SLC37A1: variants seen among roughly 807,000 people sequenced by gnomAD.
SLC37A1 encodes solute carrier family 37 member 1.
SLC37A1 carries 49 observed loss-of-function variants against 75.3 expected under a neutral mutation model. The observed-to-expected ratio is 0.65, with a 90% CI of 0.52 to 0.83. The LOEUF (loss-of-function observed/expected upper bound fraction) is 0.83. Among genes scored for constraint, SLC37A1 ranks in the 40% least tolerant of loss-of-function variants. The pLI is 0.00. For synonymous variants in SLC37A1, 268 were observed against 292.1 expected, an observed-to-expected ratio of 0.92 and a Z score of 0.84; for missense variants, 566 against 695.0, an observed-to-expected ratio of 0.81 and a Z score of 2.09.
In SLC37A1 at chr21:42,545,829, T is replaced by G. The variant is rs2055394549; in HGVS notation, c.731-1274T>G. On this transcript the variant is annotated intron_variant, in intron 8 of 19. Coordinates refer to ENST00000352133, the MANE Select transcript of SLC37A1 (RefSeq NM_001320537.2). This position sits in a 1 kb window ranked among gnomAD's most constrained non-coding sequence, Gnocchi z 4.0. Reference sequence around the variant, plus strand: ...GACCATGTGTCCTTGGTCAGTGGCCTCGCCCTATGGGCTGTGCCCAGGACA... The same window carrying G: ...GACCATGTGTCCTTGGTCAGTGGCCGCGCCCTATGGGCTGTGCCCAGGACA... Among the ~76,000 whole-genome samples, 1 of 152,256 alleles carries G rather than the reference T, an allele frequency of 6.6e-6. No homozygotes were observed. The highest frequency in any genetic ancestry group is 2.4e-5 in the African/African-American group (1 of 41,472).
intron 17 of SLC37A1, among the ~76,000 whole-genome samples, chr21:42,570,124 T>TCA (rs2056103517): frequency 4.6e-5 from 3 of 65,526 alleles, no homozygotes; most frequent in Non-Finnish European, 4.2e-5. Context: ...AGGGTGGCTG[T>TCA]TGCCATGTGA....
chr21:42,562,816 G>A (rs558894100), intron 12 of SLC37A1, among the ~76,000 whole-genome samples: 2 of 152,134 alleles, frequency 1.3e-5, no homozygotes, highest in Non-Finnish European at 2.9e-5. Context: ...AGGGCTCTTC[G>A]CCCCGGGAGC....
intron 9 of SLC37A1, among the ~76,000 whole-genome samples, chr21:42,549,149 G>A (rs2055495260): frequency 6.6e-6 from 1 of 151,858 alleles, no homozygotes; most frequent in African/African-American, 2.4e-5. Context: ...GCCCGGACCA[G>A]CCGTCTTGAG....
rs980303834 is a variant in SLC37A1 at position 42,574,928 on chromosome 21, A to AT, written c.1521+18dup. On this transcript the variant is annotated intron_variant, in intron 18 of 19. Transcript: ENST00000352133. Reference sequence around the variant, plus strand: ...CTGTGCCTTACTGGTAAGTCGGCCTATTTTTAGTCCAATCCACCTTGAATG... The same window carrying AT: ...CTGTGCCTTACTGGTAAGTCGGCCTATTTTTTAGTCCAATCCACCTTGAATG... The AT allele has an allele frequency of 6.2e-7, 1 of 1,613,732 alleles. No individual in the cohort carries two copies. The highest frequency in any genetic ancestry group is 1.3e-5 in the African/African-American group (1 of 74,904).
Position 42,551,307 on chromosome 21 carries a change from A to G in SLC37A1, c.769-2755A>G, listed in dbSNP as rs867997690. Among the ~76,000 whole-genome samples the G allele has an allele frequency of 6.3e-4, 96 of 152,252 alleles. 1 individual carries two copies. The highest frequency in any genetic ancestry group is 2.2e-3 in the African/African-American group (93 of 41,464). ...ATGAAATTAAGGCCGTTTCATTTAC[A>G]ATAGCATCAAAAAACATTACGCGAA... On this transcript the variant is annotated intron_variant, in intron 9 of 19. Coordinates refer to ENST00000352133, the MANE Select transcript of SLC37A1 (RefSeq NM_001320537.2).
intron 18 of SLC37A1, among the ~76,000 whole-genome samples, chr21:42,577,128 C>T (rs2056325260): frequency 6.6e-6 from 1 of 152,126 alleles, no homozygotes; most frequent in Admixed American, 6.5e-5. Flanking sequence ...CAAAGATGCT[C>T]CCAGCAAAAA....
chr21:42,569,939 C>A (rs917527897), intron 17 of SLC37A1, among the ~76,000 whole-genome samples: 1 of 152,164 alleles, frequency 6.6e-6, no homozygotes, highest in Non-Finnish European at 1.5e-5. Context: ...CCCAGCTCCA[C>A]GCTGCTGCTG....
rs142289106 is a variant in SLC37A1 at position 42,508,750 on chromosome 21, C to T, written c.-179+6333C>T. 19 of 152,330 alleles carry T rather than the reference C, an allele frequency of 1.2e-4. 4 individuals are homozygous for T. Among genetic ancestry groups the T allele is most frequent in the East Asian group, 1.9e-4 (1 of 5,188 alleles). The allele number at this position is 152,330 out of a possible 1,614,324, so 9.4% of individuals were successfully genotyped here. On this transcript the variant is annotated intron_variant, in intron 2 of 20. Coordinates refer to the SLC37A1 transcript ENST00000398341. ...AGTTTACTCCCCAAATACCCGTGAG[C>T]ACTCTCTCAGTTACTATTTCCCTTG...
At position 42,552,515 on chromosome 21, in the gene SLC37A1, C is replaced by G. The variant is rs895072171; in HGVS notation, c.769-1547C>G. 1.1e-4 allele frequency among the ~76,000 whole-genome samples: 16 copies of G among 152,112 alleles called. No homozygotes were observed. Among genetic ancestry groups the G allele is most frequent in the Non-Finnish European group, 2.2e-4 (15 of 68,030 alleles). The stretch of plus-strand genomic sequence containing the variant: ...GGCTTCATGCCAAAGGTGATATATT[C>G]CAACCAATTAGAACAGTGCCAGGCA... On this transcript the variant is annotated intron_variant, in intron 9 of 19. Transcript: ENST00000352133. The surrounding 1 kb of genome is among the most constrained non-coding windows in gnomAD (Gnocchi z 4.2).
chr21:42,535,703 A>G (rs1305656719), intron 5 of SLC37A1, among the ~76,000 whole-genome samples, 153 bp downstream of exon 5: 2 of 152,190 alleles, frequency 1.3e-5, no homozygotes, highest in Non-Finnish European at 2.9e-5. Flanking sequence ...GACGAGGCCA[A>G]GCTTAGGAGA....
intron 2 of SLC37A1, among the ~76,000 whole-genome samples, chr21:42,520,988 T>G (rs1374756070): frequency 6.6e-6 from 1 of 152,104 alleles, no homozygotes; most frequent in African/African-American, 2.4e-5. Context: ...CTGATATAAC[T>G]AAAGAAGTAG....
At chr21:42,535,178 A>C (rs1024331787) in intron 4 of SLC37A1, among the ~76,000 whole-genome samples, 15 of 152,262 alleles carry the variant, frequency 9.9e-5, no homozygotes, top group African/African-American at 3.4e-4. Context: ...GCCAGTGGAC[A>C]CGTAAAAGAA....
chr21:42,553,204 T>C (rs552221911), intron 9 of SLC37A1, among the ~76,000 whole-genome samples: 22 of 152,328 alleles, frequency 1.4e-4, no homozygotes, highest in Middle Eastern at 3.4e-3. Context: ...TGGTTTTTCT[T>C]CTCAAATGCA....
Position 42,514,037 on chromosome 21 carries a change from C to T in SLC37A1, c.-859C>T, listed in dbSNP as rs2054474446. ...GCAGCCGCTCAGCACCTGCGGCGCC[C>T]TCAGGGAGCCGGGCGCGGGGCCCTG... On this transcript the variant is annotated 5_prime_UTR_variant, in exon 1 of 20. Transcript: ENST00000352133. The surrounding 1 kb of genome is among the most constrained non-coding windows in gnomAD (Gnocchi z 4.8). 1 of 149,382 alleles carries T rather than the reference C, an allele frequency of 6.7e-6. No homozygotes were observed. The highest frequency in any genetic ancestry group is 1.5e-5 in the Non-Finnish European group (1 of 67,188). The allele number at this position is 149,382 out of a possible 1,614,324, so 9.3% of individuals were successfully genotyped here.
intron 18 of SLC37A1, chr21:42,575,280 A>G (rs2056282165): frequency 1.0e-6 from 1 of 985,344 alleles, no homozygotes; most frequent in Non-Finnish European, 1.2e-6. Context: ...CCCAGTGACA[A>G]GATTGTTGTG....
At chr21:42,562,303 G>T in intron 12 of SLC37A1, 135 bp downstream of exon 12, 1 of 729,482 alleles carries the variant, frequency 1.4e-6, no homozygotes, top group Admixed American at 2.3e-5. Context: ...TTTGAATAAA[G>T]TACTATGATG....
chr21:42,521,193 G>A (rs987565952), intron 2 of SLC37A1, among the ~76,000 whole-genome samples: 1 of 152,226 alleles, frequency 6.6e-6, no homozygotes, highest in Non-Finnish European at 1.5e-5. Flanking sequence ...AGAGGGAAAC[G>A]TAGTGGTTTC....
rs770952058 is a variant in SLC37A1 at position 42,569,280 on chromosome 21, GTTC to G, written c.1423+845_1423+847del. 1.4e-3 allele frequency among the ~76,000 whole-genome samples: 217 copies of G among 152,328 alleles called. 2 individuals carry two copies. Among genetic ancestry groups the G allele is most frequent in the Middle Eastern group, 3.4e-3 (1 of 294 alleles). On this transcript the variant is annotated intron_variant, in intron 17 of 19. Transcript: ENST00000352133. ...CTGGCTCGTGCAGGGAGCTGATGTT[GTTC>G]TTGGCTGCCCCTGGCCTTGGTGCCA...
rs1169252495 is a variant in SLC37A1 at position 42,534,842 on chromosome 21, A to C, written c.271+12A>C. ...CTGGGCACCGTTTGGTAAGTCGATT[A>C]TCGGTCCGTCCAGGAGCCGAAGCGG... is the stretch of plus-strand genomic sequence containing the variant. On this transcript the variant is annotated intron_variant, in intron 4 of 19. Transcript: ENST00000352133. 1 of 1,612,874 alleles carries C rather than the reference A, an allele frequency of 6.2e-7. No homozygotes were observed. Among genetic ancestry groups the C allele is most frequent in the Non-Finnish European group, 8.5e-7 (1 of 1,179,462 alleles).
Sources: gnomAD v4.1 joint callset for allele counts (sites outside exome capture counted in the v4.1 genomes callset) on GRCh38, gnomAD v4.1.1 for gene constraint, Gnocchi (gnomAD v3.1) non-coding constraint, MANE v1.5 for transcripts, NCBI Gene and HGNC (gene_info 2026-07-23, HGNC 2026-07-21) for gene names.